GIP: variants seen among roughly 807,000 people sequenced by gnomAD.
The protein encoded by GIP is glucose-dependent insulinotropic polypeptide.
A neutral mutation model predicts 18.1 loss-of-function variants in GIP; 16 were observed. The ratio of observed to expected loss-of-function variants is 0.88; its 90% CI spans 0.60 to 1.34. The LOEUF is 1.34. GIP is among the 40% of genes most tolerant of loss of function. GIP has a pLI of 0.00. For synonymous variants in GIP, 76 were observed against 74.0 expected (o/e 1.03, Z -0.14); for missense variants, 192 against 183.4 (o/e 1.05, Z -0.27).
intron 5 of GIP, 23 bp downstream of exon 5, chr17:48,960,863 T>G (rs1394439190): frequency 2.8e-6 from 4 of 1,430,730 alleles, no homozygotes; most frequent in African/African-American, 1.4e-5. Flanking sequence ...TTAGAACCGC[T>G]GTGCAACACC....
At chr17:48,959,796 G>GGCTCAGCTCTGTGT (rs2041190225) in intron 5 of GIP, among the ~76,000 whole-genome samples, 1 of 79,366 alleles carries the variant, frequency 1.3e-5, no homozygotes. Context: ...CAGCTCGGTG[G>GGCTCAGCTCTGTGT]GTAGGGACAG....
chr17:48,964,881 T>G (rs1426035887), intron 2 of GIP, among the ~76,000 whole-genome samples: 1 of 152,142 alleles, frequency 6.6e-6, no homozygotes, highest in African/African-American at 2.4e-5. Flanking sequence ...GGCTTACGCC[T>G]GTAATCCCAG....
chr17:48,961,867 C>A, intron 3 of GIP, 48 bp from the exon 4 acceptor site: 1 of 1,299,206 alleles, frequency 7.7e-7, no homozygotes, highest in South Asian at 1.2e-5. Context: ...AGACTCCAGT[C>A]TAGGGACACT....
At chr17:48,961,985 C>T (rs2041203048) in intron 3 of GIP, among the ~76,000 whole-genome samples, 166 bp from the exon 4 acceptor site, 1 of 152,188 alleles carries the variant, frequency 6.6e-6, no homozygotes. Context: ...TTTTCAGAAT[C>T]TACCGTGCTG....
intron 5 of GIP, among the ~76,000 whole-genome samples, chr17:48,959,782 G>A: frequency 7.5e-6 from 1 of 133,840 alleles, no homozygotes; most frequent in Non-Finnish European, 1.7e-5. Context: ...ACACAGGATG[G>A]GCTCAGCTCG....
intron 5 of GIP, among the ~76,000 whole-genome samples, chr17:48,959,614 G>A (rs1487898921): frequency 6.6e-6 from 1 of 152,138 alleles, no homozygotes; most frequent in Non-Finnish European, 1.5e-5. Flanking sequence ...CTGATGAGGG[G>A]GATTCAAGAG....
chr17:48,962,713 G>A (rs1028770716), intron 3 of GIP, among the ~76,000 whole-genome samples: 1 of 152,160 alleles, frequency 6.6e-6, no homozygotes, highest in Non-Finnish European at 1.5e-5. Flanking sequence ...CGCCAAGCAA[G>A]CAGTCATTAG....
intron 1 of GIP, among the ~76,000 whole-genome samples, chr17:48,967,602 C>T (rs1373574487): frequency 6.6e-6 from 1 of 151,070 alleles, no homozygotes; most frequent in Admixed American, 6.6e-5. Flanking sequence ...TTGTGATCTG[C>T]CCACCTGGGC....
rs1278395117 is a variant in GIP, at chr17:48,968,573, A to C, written c.-78T>G. 1 of 152,058 alleles carries C rather than the reference A, an allele frequency of 6.6e-6. No homozygotes were observed. Among genetic ancestry groups the C allele is most frequent in the Non-Finnish European group, 1.5e-5 (1 of 68,028 alleles). 9.4% of individuals were successfully genotyped at this position (152,058 alleles called of 1,614,324 possible). On this transcript the variant is annotated 5_prime_UTR_variant, in exon 1 of 6. Transcript: ENST00000357424. ...GACAGATAGGGGTCTCCTTCCCCTG[A>C]TTTCTGGACCTTCTGAGCCTGCTGA...
chr17:48,961,366 G>T (rs558618660), intron 4 of GIP, among the ~76,000 whole-genome samples: 3 of 152,244 alleles, frequency 2.0e-5, no homozygotes, highest in East Asian at 3.9e-4. Flanking sequence ...AAGATCCCCC[G>T]CTCTTTCACA....
chr17:48,968,035 G>C (rs2041244755), intron 1 of GIP, among the ~76,000 whole-genome samples: 1 of 151,972 alleles, frequency 6.6e-6, no homozygotes, highest in Non-Finnish European at 1.5e-5. Context: ...CTGGGTGACA[G>C]AGCGAGACTC....
chr17:48,964,497 G>A lies in GIP; in HGVS notation c.87-17C>T, dbSNP rs376222606. The A allele has an allele frequency of 3.1e-6, 5 of 1,610,886 alleles. No homozygotes were observed. Among genetic ancestry groups the A allele is most frequent in the East Asian group, 2.2e-5 (1 of 44,842 alleles). On this transcript the variant is annotated splice_polypyrimidine_tract_variant and intron_variant, in intron 2 of 5. Transcript: ENST00000357424. Reference sequence around the variant, plus strand: ...GGGAGAGCGCTGGAAACAAGGGTGCGGAGAAGGGGCAGAGATGGGGGGAGA... The same window carrying A: ...GGGAGAGCGCTGGAAACAAGGGTGCAGAGAAGGGGCAGAGATGGGGGGAGA...
chr17:48,964,252 G>A (rs2041220390), intron 3 of GIP, 58 bp downstream of exon 3: 6 of 1,414,024 alleles, frequency 4.2e-6, no homozygotes, highest in Non-Finnish European at 6.0e-6. Context: ...GGCCTCCTCT[G>A]AAGGTAGGAA....
At chr17:48,962,184 C>G (rs2041204050) in intron 3 of GIP, among the ~76,000 whole-genome samples, 1 of 152,208 alleles carries the variant, frequency 6.6e-6, no homozygotes, top group South Asian at 2.1e-4. Context: ...ATCTTCCCAT[C>G]TCAGCCTCCC....
intron 3 of GIP, among the ~76,000 whole-genome samples, 173 bp downstream of exon 3, chr17:48,964,137 G>A (rs1224726851): frequency 2.1e-5 from 3 of 139,538 alleles, no homozygotes; most frequent in Non-Finnish European, 4.7e-5. Context: ...TCCAGCCTGG[G>A]CGAAAGAGTG....
intron 2 of GIP, among the ~76,000 whole-genome samples, chr17:48,965,820 G>A (rs2041233240): frequency 6.6e-6 from 1 of 152,028 alleles, no homozygotes; most frequent in African/African-American, 2.4e-5. Context: ...CTATGAGGTA[G>A]GTTCTATTTA....
chr17:48,963,995 CAA>C lies in GIP; in HGVS notation c.257+313_257+314del, dbSNP rs10718451. Among the ~76,000 whole-genome samples, 1,000 of 132,532 alleles carry C rather than the reference CAA, an allele frequency of 7.5e-3. 8 individuals carry two copies. The highest frequency in any genetic ancestry group is 0.024 in the African/African-American group (881 of 36,896). The allele number at this position is 132,532 out of a possible 152,430, so 86.9% of individuals were successfully genotyped here. ...TGAAACCCCGTATCTACTGAAAATACAAAAAAAAAAAAAAATTAGCCGGGCAT... is the reference window on the plus strand; with the variant it reads ...TGAAACCCCGTATCTACTGAAAATACAAAAAAAAAAAAATTAGCCGGGCAT... On this transcript the variant is annotated intron_variant, in intron 3 of 5. Transcript: ENST00000357424.
chr17:48,967,369 T>C, intron 1 of GIP, 116 bp from the exon 2 acceptor site: 1 of 655,968 alleles, frequency 1.5e-6, no homozygotes, highest in Non-Finnish European at 2.6e-6. Context: ...CTTTTTTTTT[T>C]TTTTTTTTGA....
chr17:48,963,706 T>C (rs1411422928), intron 3 of GIP, among the ~76,000 whole-genome samples: 1 of 151,404 alleles, frequency 6.6e-6, no homozygotes, highest in Non-Finnish European at 1.5e-5. Flanking sequence ...TGGTGGCACA[T>C]GCCTGTAATC....
Sources: allele counts gnomAD v4.1 joint callset (sites outside exome capture counted in the v4.1 genomes callset), GRCh38; gene constraint gnomAD v4.1.1; transcripts MANE v1.5; gene names NCBI Gene and HGNC (gene_info 2026-07-23, HGNC 2026-07-21).